The following HNF4G variants were observed in gnomAD, a reference collection of about 807,000 sequenced individuals.
The protein encoded by HNF4G is hepatocyte nuclear factor 4-gamma.
A neutral mutation model predicts 50.9 loss-of-function variants in HNF4G; 21 were observed. The ratio of observed to expected loss-of-function variants is 0.41; its 90% CI spans 0.29 to 0.59. The LOEUF is 0.59. Ranked by LOEUF, HNF4G falls within the 20% of genes least tolerant of loss-of-function variation. The pLI is 0.26. For missense variants in HNF4G, 527 were observed against 559.4 expected (o/e 0.94, Z 0.58); for synonymous variants, 198 against 185.6 (o/e 1.07, Z -0.54).
intron 6 of HNF4G, 121 bp from the exon 7 acceptor site, chr8:75,558,397 T>A: frequency 1.2e-6 from 1 of 828,364 alleles, no homozygotes; most frequent in Non-Finnish European, 1.8e-6. Context: ...AGGAAGTACA[T>A]CACTATTCCT....
chr8:75,491,011 A>C (rs931711018), intron 2 of HNF4G, among the ~76,000 whole-genome samples: 12 of 152,056 alleles, frequency 7.9e-5, no homozygotes, highest in Non-Finnish European at 1.6e-4. Context: ...CCAAGAAGCT[A>C]CTCCTCTCAT....
chr8:75,518,735 A>G (rs536839829), intron 2 of HNF4G, among the ~76,000 whole-genome samples: 22 of 151,614 alleles, frequency 1.5e-4, no homozygotes, highest in Non-Finnish European at 2.5e-4. Flanking sequence ...GACCTGGCCC[A>G]TGAAATCTTT....
chr8:75,459,795 C>T (rs1811802816), intron 1 of HNF4G, among the ~76,000 whole-genome samples: 2 of 152,164 alleles, frequency 1.3e-5, no homozygotes, highest in Admixed American at 6.6e-5. Flanking sequence ...CTTCAGAATG[C>T]TAGCCACCTA....
intron 6 of HNF4G, among the ~76,000 whole-genome samples, chr8:75,557,839 A>C (rs988755831): frequency 1.3e-5 from 2 of 152,168 alleles, no homozygotes; most frequent in Non-Finnish European, 2.9e-5. Context: ...GGAAGCTATA[A>C]AAATTTTCAT....
In HNF4G at chr8:75,542,400, T is replaced by C. The variant is rs559716976; in HGVS notation, c.119-1411T>C. Among the ~76,000 whole-genome samples the C allele has an allele frequency of 2.6e-5, 4 of 152,130 alleles. No individual in the cohort carries two copies. The East Asian group carries it at 7.7e-4, about 29-fold the overall frequency. ...TTTTTAAATGTGTGTTCAGAGAAGG[T>C]TTCACACAAAATGTGAGACTTTAAC... On this transcript the variant is annotated intron_variant, in intron 1 of 9. Coordinates refer to ENST00000396423, the MANE Select transcript of HNF4G (RefSeq NM_004133.5).
intron 1 of HNF4G, among the ~76,000 whole-genome samples, chr8:75,468,785 C>T (rs558683511): frequency 2.1e-4 from 32 of 152,076 alleles, no homozygotes; most frequent in African/African-American, 6.7e-4. Flanking sequence ...ACTCATTAAC[C>T]GTTCCTTCCT....
chr8:75,461,247 C>T lies in HNF4G; in HGVS notation c.-143-28842C>T, dbSNP rs185406326. 2.0e-5 allele frequency among the ~76,000 whole-genome samples: 3 copies of T among 152,232 alleles called. No homozygotes were observed. The East Asian group carries it at 5.8e-4, about 29-fold the overall frequency. ...TCAAGGTGTCAACAGGGGTGCATTC[C>T]TCTGAAGAAGCCAGGAAAATCTTTT... On this transcript the variant is annotated intron_variant, in intron 1 of 10. Coordinates refer to the HNF4G transcript ENST00000354370.
chr8:75,413,279 G>C (rs973180615), intron 1 of HNF4G, among the ~76,000 whole-genome samples: 6 of 146,472 alleles, frequency 4.1e-5, no homozygotes, highest in Admixed American at 1.4e-4. Flanking sequence ...CAGAAAGAAA[G>C]GGAGAGGAGA....
At chr8:75,468,052 T>C (rs188032059) in intron 1 of HNF4G, among the ~76,000 whole-genome samples, 27 of 152,328 alleles carry the variant, frequency 1.8e-4, no homozygotes, top group Non-Finnish European at 8.8e-5. Context: ...TAATGTTCCA[T>C]ACAAATAATT....
intron 2 of HNF4G, among the ~76,000 whole-genome samples, chr8:75,509,901 A>G (rs924483488): frequency 2.3e-4 from 35 of 152,338 alleles, no homozygotes; most frequent in African/African-American, 7.9e-4. Flanking sequence ...TTGCTGGTTT[A>G]TGTATTTACT....
chr8:75,416,411 A>G (rs532755979), intron 1 of HNF4G, among the ~76,000 whole-genome samples: 3 of 151,952 alleles, frequency 2.0e-5, no homozygotes, highest in Non-Finnish European at 2.9e-5. Flanking sequence ...AAGCTTTGAA[A>G]TGTCCTGATT....
At chr8:75,411,064 A>G (rs1291492605) in intron 1 of HNF4G, among the ~76,000 whole-genome samples, 1 of 152,218 alleles carries the variant, frequency 6.6e-6, no homozygotes, top group Non-Finnish European at 1.5e-5. Context: ...TTCCTACTTT[A>G]CAGACGGAAA....
chr8:75,471,967 T>G (rs547246965), intron 1 of HNF4G, among the ~76,000 whole-genome samples: 2 of 152,352 alleles, frequency 1.3e-5, no homozygotes, highest in South Asian at 4.1e-4. Context: ...CTACCCTTTC[T>G]GAGCTTCATT....
At chr8:75,498,809 G>A (rs1378042497) in intron 2 of HNF4G, among the ~76,000 whole-genome samples, 1 of 151,938 alleles carries the variant, frequency 6.6e-6, no homozygotes. Flanking sequence ...GATCATCTCA[G>A]TAGAAACAGA....
intron 1 of HNF4G, among the ~76,000 whole-genome samples, chr8:75,465,122 A>T (rs1811939363): frequency 6.6e-6 from 1 of 152,198 alleles, no homozygotes; most frequent in African/African-American, 2.4e-5. Flanking sequence ...GTAAGGGATG[A>T]TATGGTATTA....
At chr8:75,446,951 CA>C (rs1159276393) in intron 1 of HNF4G, among the ~76,000 whole-genome samples, 1 of 139,126 alleles carries the variant, frequency 7.2e-6, no homozygotes, top group Non-Finnish European at 1.5e-5. Context: ...CATATGGAAC[CA>C]AAAAAGAGCC....
rs746880087 is a variant in HNF4G, at chr8:75,540,100, T to G, written c.118+20T>G. 1 of 1,314,594 alleles carries G rather than the reference T, an allele frequency of 7.6e-7. No individual in the cohort carries two copies. The highest frequency in any genetic ancestry group is 1.2e-5 in the South Asian group (1 of 84,838). The allele number at this position is 1,314,594 out of a possible 1,614,324, so 81.4% of individuals were successfully genotyped here. ...CAAGTGGTGAGTTATCATCTGTTTA[T>G]AGATGTAAAGAAAAGTAAGTATAAT... On this transcript the variant is annotated intron_variant, in intron 1 of 9. Coordinates refer to ENST00000396423, the MANE Select transcript of HNF4G (RefSeq NM_004133.5).
chr8:75,477,417 C>A (rs1287096964), intron 1 of HNF4G, among the ~76,000 whole-genome samples: 1 of 152,064 alleles, frequency 6.6e-6, no homozygotes, highest in Non-Finnish European at 1.5e-5. Context: ...TTCTTCAAGT[C>A]TCATCATATG....
intron 4 of HNF4G, among the ~76,000 whole-genome samples, chr8:75,551,835 A>G (rs1806969008): frequency 6.6e-6 from 1 of 152,234 alleles, no homozygotes; most frequent in Admixed American, 6.5e-5. Flanking sequence ...ACCAGCTACC[A>G]CAACTTTTGG....
Sources: gnomAD v4.1 joint callset for allele counts (sites outside exome capture counted in the v4.1 genomes callset) on GRCh38, gnomAD v4.1.1 for gene constraint, MANE v1.5 for transcripts, NCBI Gene and HGNC (gene_info 2026-07-23, HGNC 2026-07-21) for gene names.